RTL4: variants seen among roughly 807,000 people sequenced by gnomAD.
RTL4 encodes the protein retrotransposon Gag-like protein 4.
RTL4 carries 4 observed loss-of-function variants against 5.3 expected under a neutral mutation model. The observed-to-expected ratio is 0.75, with a 90% CI of 0.37 to 1.72. The LOEUF is 1.72. RTL4 is among the 40% of genes most tolerant of loss of function. The pLI is 0.04. For missense variants in RTL4, 260 were observed against 227.1 expected, an observed-to-expected ratio of 1.14 and a Z score of -0.93; for synonymous variants, 98 against 87.3, an observed-to-expected ratio of 1.12 and a Z score of -0.68.
At chrX:112,212,114 C>T in the RTL4 span, among the ~76,000 whole-genome samples, 2 of 112,615 alleles carry the variant, frequency 1.8e-5, no homozygotes, top group Non-Finnish European at 1.9e-5. Flanking sequence ...CGGTGGCTCA[C>T]GCCTGTAATC....
the RTL4 span, among the ~76,000 whole-genome samples, chrX:112,276,247 A>G: frequency 9.0e-6 from 1 of 111,706 alleles, no homozygotes; most frequent in East Asian, 2.8e-4. Flanking sequence ...GACTGAAAGG[A>G]AACATGAACA....
At chrX:112,442,977 C>A in the RTL4 span, among the ~76,000 whole-genome samples, 2 of 111,103 alleles carry the variant, frequency 1.8e-5, no homozygotes, top group East Asian at 5.7e-4. Context: ...TACAGTCACA[C>A]CGTGTGCTAT....
chrX:112,115,547 T>C, the RTL4 span, among the ~76,000 whole-genome samples: 1 of 111,391 alleles, frequency 9.0e-6, no homozygotes, highest in African/African-American at 3.3e-5. Context: ...GGATATCATT[T>C]CTGAGGCTCA....
the RTL4 span, among the ~76,000 whole-genome samples, chrX:112,192,191 A>G: frequency 1.9e-5 from 2 of 104,552 alleles, no homozygotes; most frequent in East Asian, 6.0e-4. Context: ...ATGCAAGATT[A>G]TGTCATCTTT....
the RTL4 span, among the ~76,000 whole-genome samples, chrX:112,365,964 A>T: frequency 9.0e-6 from 1 of 111,430 alleles, no homozygotes; most frequent in African/African-American, 3.3e-5. Flanking sequence ...CTACTGAATT[A>T]AAGACCTTAC....
the RTL4 span, among the ~76,000 whole-genome samples, chrX:112,210,230 G>A: frequency 8.9e-6 from 1 of 112,157 alleles, no homozygotes; most frequent in South Asian, 3.8e-4. Flanking sequence ...AACCATTTTA[G>A]GATAGTGGTT....
chrX:112,098,294 A>C, the RTL4 span, among the ~76,000 whole-genome samples: 12 of 110,546 alleles, frequency 1.1e-4, no homozygotes, highest in South Asian at 3.1e-3. Flanking sequence ...TGAACTCATC[A>C]TTTTTTATGG....
the RTL4 span, among the ~76,000 whole-genome samples, chrX:112,327,153 G>A: frequency 8.0e-5 from 9 of 112,349 alleles, no homozygotes; most frequent in African/African-American, 2.3e-4. Flanking sequence ...AAAGCTGGAC[G>A]GAGAATGACT....
chrX:112,451,956 C>T (rs1471043314), upstream of RTL4, among the ~76,000 whole-genome samples: 2 of 111,956 alleles, frequency 1.8e-5, no homozygotes, highest in South Asian at 3.7e-4. Context: ...CAGAAATCAA[C>T]AGGCCAGCTT....
chrX:112,427,873 C>T, the RTL4 span, among the ~76,000 whole-genome samples: 2 of 110,125 alleles, frequency 1.8e-5, no homozygotes, highest in Non-Finnish European at 3.8e-5. Context: ...ACCTATCACC[C>T]GAGCAGTGTA....
chrX:112,144,034 A>G, the RTL4 span, among the ~76,000 whole-genome samples: 5,001 of 111,385 alleles, frequency 0.045, 100 homozygotes, highest in African/African-American at 0.065. Flanking sequence ...TATAAAGAAA[A>G]GAATCTTCTG....
At chrX:112,414,303 A>G in the RTL4 span, among the ~76,000 whole-genome samples, 1 of 111,288 alleles carries the variant, frequency 9.0e-6, no homozygotes, top group Non-Finnish European at 1.9e-5. Context: ...TCTACAAATT[A>G]TTTTCCATAG....
At chrX:112,394,011 T>A in the RTL4 span, among the ~76,000 whole-genome samples, 1 of 111,403 alleles carries the variant, frequency 9.0e-6, no homozygotes, top group Non-Finnish European at 1.9e-5. Flanking sequence ...GTAGCTCTTA[T>A]GTGAGATCGA....
chrX:112,373,384 T>C, the RTL4 span, among the ~76,000 whole-genome samples: 4 of 111,332 alleles, frequency 3.6e-5, no homozygotes, highest in Non-Finnish European at 7.6e-5. Flanking sequence ...GTGAAGAACA[T>C]TGTCACTTGC....
the RTL4 span, among the ~76,000 whole-genome samples, chrX:112,356,455 C>G: frequency 0.35 from 38,545 of 110,126 alleles, 6,726 homozygotes; most frequent in African/African-American, 0.68. Flanking sequence ...TCACAAAAAA[C>G]GATTGTAATT....
chrX:112,240,618 T>A, the RTL4 span, among the ~76,000 whole-genome samples: 245 of 111,968 alleles, frequency 2.2e-3, 1 homozygote, highest in African/African-American at 7.4e-3. Flanking sequence ...ACTAAGCACA[T>A]ATTGCTTTTG....
the RTL4 span, among the ~76,000 whole-genome samples, chrX:112,351,753 A>ATG: frequency 2.8e-5 from 3 of 108,591 alleles, no homozygotes; most frequent in Admixed American, 9.9e-5. Flanking sequence ...TTTTCAGCCT[A>ATG]TGTGTGTCTC....
chrX:112,350,963 C>T, the RTL4 span, among the ~76,000 whole-genome samples: 302 of 110,972 alleles, frequency 2.7e-3, 2 homozygotes, highest in African/African-American at 9.4e-3. Context: ...GATGTTAGGG[C>T]GTCAATTTTG....
chrX:112,164,938 G>A, the RTL4 span, among the ~76,000 whole-genome samples: 1 of 111,933 alleles, frequency 8.9e-6, no homozygotes, highest in Admixed American at 9.4e-5. Context: ...TCTCCTACTA[G>A]TTCTGTAAAC....
Sources: allele counts gnomAD v4.1 joint callset (sites outside exome capture counted in the v4.1 genomes callset), GRCh38; gene constraint gnomAD v4.1.1; transcripts MANE v1.5; gene names NCBI Gene and HGNC (gene_info 2026-07-23, HGNC 2026-07-21).